The following KCNG1 variants were observed in gnomAD, a reference collection of about 807,000 sequenced individuals.
KCNG1 encodes voltage-gated potassium channel regulatory subunit KCNG1.
A neutral mutation model predicts 32.4 loss-of-function variants in KCNG1; 17 were observed. The observed-to-expected ratio is 0.52, with a 90% CI of 0.36 to 0.79. KCNG1 has a LOEUF of 0.79. Ranked by LOEUF, KCNG1 falls within the 30% of genes least tolerant of loss-of-function variation. The pLI is 0.00. For synonymous variants in KCNG1, 358 were observed against 339.9 expected (o/e 1.05, Z -0.59); for missense variants, 441 against 735.2 (o/e 0.60, Z 4.63).
intron 2 of KCNG1, chr20:51,006,392 C>G (rs1262274617): frequency 1.3e-5 from 2 of 152,224 alleles, no homozygotes; most frequent in Non-Finnish European, 2.9e-5. Flanking sequence ...GAAATTTACA[C>G]TAAGTACAGC....
chr20:51,019,695 C>G (rs140957826), intron 1 of KCNG1, among the ~76,000 whole-genome samples: 5 of 152,186 alleles, frequency 3.3e-5, no homozygotes, highest in African/African-American at 1.2e-4. Flanking sequence ...CTGTGCCATT[C>G]CCTCACTCCC....
At chr20:51,009,030 T>C (rs1987950281) in intron 2 of KCNG1, among the ~76,000 whole-genome samples, 1 of 152,162 alleles carries the variant, frequency 6.6e-6, no homozygotes, top group Non-Finnish European at 1.5e-5. Flanking sequence ...TAAATAAACT[T>C]TCCATTCATT....
In KCNG1 at chr20:51,003,961, T is replaced by A; in HGVS notation, c.*78A>T. The A allele has an allele frequency of 6.6e-7, 1 of 1,509,458 alleles. No individual in the cohort carries two copies. The highest frequency in any genetic ancestry group is 1.3e-5 in the South Asian group (1 of 79,784). 93.5% of individuals were successfully genotyped at this position (1,509,458 alleles called of 1,614,324 possible). ...CAGGACTGCACTCGGAAGCGGCCTG[T>A]CCCTCTCCAGGCGTCTGCAGTGGAT... On this transcript the variant is annotated 3_prime_UTR_variant, in exon 3 of 3. Transcript: ENST00000371571.
rs11474110 is a variant in KCNG1, at chr20:51,003,675, AT to A, written c.*363del. On this transcript the variant is annotated 3_prime_UTR_variant, in exon 3 of 3. Coordinates refer to ENST00000371571, the MANE Select transcript of KCNG1 (RefSeq NM_002237.4). Reference sequence around the variant, plus strand: ...CAGACATGCTGTTTCTGCTGTTTGTATTTTTTTTTTTTTTCTCCAGGCAGAC... The same window carrying A: ...CAGACATGCTGTTTCTGCTGTTTGTATTTTTTTTTTTTTCTCCAGGCAGAC... The A allele has an allele frequency of 8.3e-3, 1,172 of 141,434 alleles. No individual in the cohort carries two copies. The highest frequency in any genetic ancestry group is 0.011 in the Middle Eastern group (3 of 280). 8.8% of individuals were successfully genotyped at this position (141,434 alleles called of 1,614,324 possible).
At position 51,004,711 on chromosome 20, in the gene KCNG1, C is replaced by T. The variant is rs1473334516; in HGVS notation, c.870G>A (p.Ala290=). 2.5e-6 allele frequency: 4 copies of T among 1,596,198 alleles called. No homozygotes were observed. Among genetic ancestry groups the T allele is most frequent in the Admixed American group, 1.7e-5 (1 of 57,404 alleles). Reference sequence around the variant, plus strand: ...TCCGCAGGAAGGCGAACTTGCTGGGCGCCTGAATGAGCCGCAGGAGGAACT... The same window carrying T: ...TCCGCAGGAAGGCGAACTTGCTGGGTGCCTGAATGAGCCGCAGGAGGAACT... ...SLEFLLRLIQ[A]PSKFAFLRSP... is the part of the protein sequence containing the mutation. Residue 290 remains alanine (A), a synonymous_variant, in exon 3 of 3, where the codon GCG becomes GCA. Coordinates refer to ENST00000371571, the MANE Select transcript of KCNG1 (RefSeq NM_002237.4). This position sits in a 1 kb window ranked among gnomAD's most constrained non-coding sequence, Gnocchi z 4.3.
intron 1 of KCNG1, among the ~76,000 whole-genome samples, chr20:51,021,580 C>T (rs1019041196): frequency 6.6e-6 from 1 of 152,180 alleles, no homozygotes; most frequent in African/African-American, 2.4e-5. Flanking sequence ...TTCCCCCACC[C>T]CACAATGAAT....
At chr20:51,014,105 G>T (rs1407199245) in intron 1 of KCNG1, 4 of 152,206 alleles carry the variant, frequency 2.6e-5, no homozygotes, top group African/African-American at 9.7e-5. Context: ...TGTCTCGGCA[G>T]CAGGGTGAGT....
intron 2 of KCNG1, 175 bp downstream of exon 2, chr20:51,009,390 T>C: frequency 1.3e-6 from 1 of 781,834 alleles, no homozygotes; most frequent in Non-Finnish European, 2.0e-6. Context: ...ACCCCCATGA[T>C]GCTCACATAT....
intron 1 of KCNG1, among the ~76,000 whole-genome samples, chr20:51,021,625 C>G (rs1988488270): frequency 6.6e-6 from 1 of 152,166 alleles, no homozygotes; most frequent in Admixed American, 6.5e-5. Context: ...TTACTTCCCC[C>G]TGTACTTATC....
chr20:51,019,323 G>C (rs919381735), intron 1 of KCNG1, among the ~76,000 whole-genome samples: 9 of 152,256 alleles, frequency 5.9e-5, no homozygotes, highest in Non-Finnish European at 1.2e-4. Context: ...GCCAGCCTGG[G>C]CAACATAGTG....
At chr20:51,014,718 C>T (rs1464535641) in intron 1 of KCNG1, among the ~76,000 whole-genome samples, 2 of 152,196 alleles carry the variant, frequency 1.3e-5, no homozygotes, top group Admixed American at 1.3e-4. Flanking sequence ...GCACACAAGT[C>T]ATTTCAGGCT....
chr20:51,011,862 T>A (rs1988107323), intron 1 of KCNG1, among the ~76,000 whole-genome samples: 1 of 152,242 alleles, frequency 6.6e-6, no homozygotes. Flanking sequence ...AGTGGCACGA[T>A]CTTGGCTCAT....
chr20:51,006,272 G>A (rs1264609420), intron 2 of KCNG1: 2 of 152,132 alleles, frequency 1.3e-5, no homozygotes, highest in Non-Finnish European at 2.9e-5. Flanking sequence ...CCTTAAAAAG[G>A]CAAAGGTATT....
chr20:51,012,946 G>A (rs1346769621), intron 1 of KCNG1, among the ~76,000 whole-genome samples: 1 of 152,116 alleles, frequency 6.6e-6, no homozygotes, highest in Non-Finnish European at 1.5e-5. Context: ...TAGCCACAGA[G>A]CTCTCTGGAA....
chr20:51,011,697 C>G (rs910364022), intron 1 of KCNG1, among the ~76,000 whole-genome samples: 2 of 152,158 alleles, frequency 1.3e-5, no homozygotes, highest in Non-Finnish European at 2.9e-5. Flanking sequence ...GGTACAGCCA[C>G]GTGATTTGAT....
intron 2 of KCNG1, 23 bp downstream of exon 2, chr20:51,009,542 C>T (rs2123228414): frequency 4.5e-6 from 7 of 1,560,286 alleles, no homozygotes; most frequent in Non-Finnish European, 5.2e-6. Flanking sequence ...TGGCGCGTTT[C>T]CCCGCGGGGC....
At chr20:51,020,128 T>C (rs1267655615) in intron 1 of KCNG1, among the ~76,000 whole-genome samples, 3 of 152,184 alleles carry the variant, frequency 2.0e-5, no homozygotes, top group Admixed American at 2.0e-4. Flanking sequence ...CTCCCCCCTA[T>C]AAAAAAGACA....
rs1309969227 is a variant in KCNG1, at chr20:51,005,099, G to A, written c.775-293C>T. The A allele has an allele frequency of 1.5e-5, 5 of 329,744 alleles. No homozygotes were observed. Among genetic ancestry groups the A allele is most frequent in the South Asian group, 8.5e-5 (1 of 11,758 alleles). The allele number at this position is 329,744 out of a possible 1,614,324, so 20.4% of individuals were successfully genotyped here. On this transcript the variant is annotated intron_variant, in intron 2 of 2. Coordinates refer to ENST00000371571, the MANE Select transcript of KCNG1 (RefSeq NM_002237.4). This position sits in a 1 kb window ranked among gnomAD's most constrained non-coding sequence, Gnocchi z 4.0. Reference sequence around the variant, plus strand: ...CACCTGGGTGTCTGAGGGGCATCTCGAACTCACCATGGGATCCTGGTTTCC... The same window carrying A: ...CACCTGGGTGTCTGAGGGGCATCTCAAACTCACCATGGGATCCTGGTTTCC...
At chr20:51,020,779 G>C (rs982953712) in intron 1 of KCNG1, among the ~76,000 whole-genome samples, 8 of 152,168 alleles carry the variant, frequency 5.3e-5, no homozygotes, top group Admixed American at 1.3e-4. Context: ...CAGGAGGTGA[G>C]TTCCTCGGAG....
Sources: allele counts gnomAD v4.1 joint callset (sites outside exome capture counted in the v4.1 genomes callset), GRCh38; gene constraint gnomAD v4.1.1; non-coding constraint Gnocchi (gnomAD v3.1); transcripts MANE v1.5; gene names NCBI Gene and HGNC (gene_info 2026-07-23, HGNC 2026-07-21).